STON2: variants seen among roughly 807,000 people sequenced by gnomAD.
STON2 encodes stonin 2.
Under a neutral mutation model 65.7 loss-of-function variants are expected in STON2, and 29 were observed. The ratio of observed to expected loss-of-function variants is 0.44; its 90% CI spans 0.33 to 0.60. The LOEUF is 0.60. STON2 is among the 20% of genes least tolerant of loss of function. STON2 has a pLI of 0.03. For synonymous variants in STON2, 404 were observed against 414.2 expected (o/e 0.98, Z 0.30); for missense variants, 1,054 against 1,118.1 (o/e 0.94, Z 0.82).
At chr14:81,310,816 G>C (rs1434440224) in intron 5 of STON2, among the ~76,000 whole-genome samples, 2 of 152,162 alleles carry the variant, frequency 1.3e-5, no homozygotes, top group African/African-American at 4.8e-5. Context: ...CCTCAAGCCT[G>C]AAAGTCCAGA....
At chr14:81,394,529 G>A (rs1900223764) in intron 3 of STON2, among the ~76,000 whole-genome samples, 1 of 152,128 alleles carries the variant, frequency 6.6e-6, no homozygotes, top group Non-Finnish European at 1.5e-5. Flanking sequence ...CTTTACTGAT[G>A]TGATTATGTT....
intron 2 of STON2, among the ~76,000 whole-genome samples, chr14:81,419,041 T>C (rs980329696): frequency 7.0e-6 from 1 of 143,304 alleles, no homozygotes; most frequent in Non-Finnish European, 1.5e-5. Context: ...CTTTCTAAGC[T>C]CTACAAATTA....
At chr14:81,357,588 G>C (rs1004354130) in intron 4 of STON2, among the ~76,000 whole-genome samples, 1 of 151,940 alleles carries the variant, frequency 6.6e-6, no homozygotes, top group Non-Finnish European at 1.5e-5. Flanking sequence ...CTGCTATAAA[G>C]ACACATGCAC....
intron 1 of STON2, among the ~76,000 whole-genome samples, chr14:81,435,646 G>A (rs144368239): frequency 2.7e-4 from 41 of 152,234 alleles, no homozygotes; most frequent in Non-Finnish European, 5.0e-4. Flanking sequence ...CTTCCAGTAG[G>A]GGTTGCACCA....
intron 4 of STON2, chr14:81,333,010 T>C: frequency 1.8e-6 from 1 of 555,870 alleles, no homozygotes; most frequent in South Asian, 2.0e-5. Context: ...CCCCCTGACT[T>C]TCCTCATTCT....
chr14:81,407,015 C>G (rs1227065273), intron 2 of STON2, among the ~76,000 whole-genome samples: 1 of 152,220 alleles, frequency 6.6e-6, no homozygotes, highest in Non-Finnish European at 1.5e-5. Flanking sequence ...TAGACTCCAG[C>G]TGACCACACT....
At chr14:81,381,466 A>C (rs546343042) in intron 3 of STON2, among the ~76,000 whole-genome samples, 6 of 152,338 alleles carry the variant, frequency 3.9e-5, no homozygotes, top group South Asian at 2.1e-4. Flanking sequence ...AGAAATCAGC[A>C]AGAAAAAGGC....
chr14:81,369,912 TCAGCCACCAAC>T (rs756201671), intron 4 of STON2, among the ~76,000 whole-genome samples: 15 of 152,164 alleles, frequency 9.9e-5, no homozygotes, highest in Non-Finnish European at 2.1e-4. Context: ...GGGGCATATT[TCAGCCACCAAC>T]CAGGATCATC....
intron 4 of STON2, among the ~76,000 whole-genome samples, chr14:81,351,174 T>G (rs1038372420): frequency 2.2e-5 from 3 of 136,062 alleles, no homozygotes; most frequent in African/African-American, 8.0e-5. Flanking sequence ...TGAGGTAAGC[T>G]CTTCTTTTTT....
At chr14:81,287,165 G>A (rs910457595) in intron 5 of STON2, among the ~76,000 whole-genome samples, 1 of 152,128 alleles carries the variant, frequency 6.6e-6, no homozygotes, top group Non-Finnish European at 1.5e-5. Context: ...GCTTATCAAG[G>A]GAGCTTCTAA....
intron 3 of STON2, among the ~76,000 whole-genome samples, chr14:81,377,454 T>C (rs914217067): frequency 5.9e-5 from 9 of 152,230 alleles, no homozygotes; most frequent in African/African-American, 1.9e-4. Context: ...TTAGCTATTA[T>C]GGATAAAGCT....
chr14:81,310,034 T>C (rs575135721), intron 5 of STON2, among the ~76,000 whole-genome samples: 5 of 152,294 alleles, frequency 3.3e-5, no homozygotes, highest in African/African-American at 1.2e-4. Context: ...ACCCCAGGAA[T>C]CAATTTCCAC....
intron 4 of STON2, among the ~76,000 whole-genome samples, chr14:81,365,573 C>G (rs1465391569): frequency 1.3e-5 from 2 of 151,906 alleles, no homozygotes; most frequent in Non-Finnish European, 2.9e-5. Context: ...CTGTCCAACA[C>G]AGTGAAACCC....
At position 81,277,883 on chromosome 14, in the gene STON2, C is replaced by T. The variant is rs760472834; in HGVS notation, c.1599G>A (p.Leu533=). ...GLEKPFREFK[L]EICHEISEPR... ...GTTCTGAAATCTCATGACAGATCTCCAGCTTGAACTCACGGAATGGTTTTT... is the reference window on the plus strand; with the variant it reads ...GTTCTGAAATCTCATGACAGATCTCTAGCTTGAACTCACGGAATGGTTTTT... Residue 533 remains leucine (L), a synonymous_variant, in exon 6 of 8, where the codon CTG becomes CTA. Transcript: ENST00000614646. 1.7e-5 allele frequency: 28 copies of T among 1,614,060 alleles called. No homozygotes were observed. The South Asian group carries it at 3.0e-4, about 17-fold the overall frequency.
chr14:81,418,962 G>T (rs902291957), intron 2 of STON2, among the ~76,000 whole-genome samples: 12 of 151,862 alleles, frequency 7.9e-5, no homozygotes, highest in Admixed American at 7.2e-4. Context: ...TTAAAACTGG[G>T]TCTGAGATTT....
At position 81,262,322 on chromosome 14, in the gene STON2, G is replaced by A. The variant is rs1431190805; in HGVS notation, c.*6092C>T. 5.1e-6 allele frequency: 5 copies of A among 985,324 alleles called. No homozygotes were observed. The highest frequency in any genetic ancestry group is 6.0e-6 in the Non-Finnish European group (5 of 829,930). The allele number at this position is 985,324 out of a possible 1,614,324, so 61.0% of individuals were successfully genotyped here. A position where few individuals can be genotyped will look rare whatever the true frequency, so the allele number is the denominator to read the frequency against. ...AATAAACAATCCTCAATGTCCTCGTGTCTAGCCTTTCCTCCCTTTAGGGAA... is the reference window on the plus strand; with the variant it reads ...AATAAACAATCCTCAATGTCCTCGTATCTAGCCTTTCCTCCCTTTAGGGAA... On this transcript the variant is annotated 3_prime_UTR_variant, in exon 8 of 8. Coordinates refer to ENST00000614646, the MANE Select transcript of STON2 (RefSeq NM_001394390.1).
intron 4 of STON2, among the ~76,000 whole-genome samples, chr14:81,347,902 CAAAA>C (rs755109204): frequency 3.9e-5 from 2 of 51,560 alleles, no homozygotes; most frequent in Non-Finnish European, 6.9e-5. Flanking sequence ...TGTCTCTTAC[CAAAA>C]AAAAAAAAAA....
intron 1 of STON2, among the ~76,000 whole-genome samples, chr14:81,399,398 C>T (rs1216644624): frequency 2.0e-5 from 3 of 152,020 alleles, no homozygotes; most frequent in African/African-American, 7.3e-5. Flanking sequence ...TACTATATAC[C>T]TTGAACAATA....
intron 5 of STON2, among the ~76,000 whole-genome samples, chr14:81,283,520 C>A (rs1013725131): frequency 1.4e-5 from 2 of 145,298 alleles, no homozygotes; most frequent in African/African-American, 5.1e-5. Context: ...CTGCACTTTA[C>A]AGATACTGCA....
Sources: allele counts gnomAD v4.1 joint callset (sites outside exome capture counted in the v4.1 genomes callset), GRCh38; gene constraint gnomAD v4.1.1; transcripts MANE v1.5; gene names NCBI Gene and HGNC (gene_info 2026-07-23, HGNC 2026-07-21).